PPP4R2: variants seen among roughly 807,000 people sequenced by gnomAD.
PPP4R2 encodes protein phosphatase 4 regulatory subunit 2, also known as serine/threonine-protein phosphatase 4 regulatory subunit 2.
PPP4R2 carries 13 observed loss-of-function variants against 47.2 expected under a neutral mutation model. That is an observed-to-expected ratio of 0.28 (90% CI 0.18 to 0.44). The LOEUF is 0.44. Among genes scored for constraint, PPP4R2 ranks in the 20% least tolerant of loss-of-function variants. PPP4R2 has a pLI of 1.00. For synonymous variants in PPP4R2, 151 were observed against 163.3 expected (o/e 0.92, Z 0.57); for missense variants, 421 against 491.2 (o/e 0.86, Z 1.35).
intron 3 of PPP4R2, among the ~76,000 whole-genome samples, chr3:73,050,507 T>G (rs1366728216): frequency 6.6e-6 from 1 of 152,196 alleles, no homozygotes; most frequent in Non-Finnish European, 1.5e-5. Flanking sequence ...TTTGTTGGTT[T>G]TCCACCAGTT....
intron 3 of PPP4R2, among the ~76,000 whole-genome samples, chr3:73,051,846 C>T (rs1034921431): frequency 6.6e-6 from 1 of 152,048 alleles, no homozygotes; most frequent in Non-Finnish European, 1.5e-5. Context: ...AGGATGGTCT[C>T]GATCTCCTGA....
rs201494380 is a variant in PPP4R2, at chr3:73,048,258, ATTTTG to A, written c.287+913_287+917del. 6.6e-3 allele frequency among the ~76,000 whole-genome samples: 995 copies of A among 151,202 alleles called. 21 individuals are homozygous for A. The highest frequency in any genetic ancestry group is 0.023 in the African/African-American group (937 of 41,212). On this transcript the variant is annotated intron_variant, in intron 3 of 8. Coordinates refer to ENST00000356692, the MANE Select transcript of PPP4R2 (RefSeq NM_174907.4). ...TTTGTAGGACTTTGTTTTTTGTTTT[ATTTTG>A]TTTTGTTTTGAGACAGAGTCTCGCT...
intron 2 of PPP4R2, among the ~76,000 whole-genome samples, chr3:73,035,394 T>A (rs2107285450): frequency 6.6e-6 from 1 of 152,012 alleles, no homozygotes; most frequent in East Asian, 1.9e-4. Context: ...AGTGAGACCC[T>A]GTCTAAAAAA....
rs1257702532 is a variant in PPP4R2, at chr3:73,067,349, C to G, written c.*1627C>G. 6.6e-6 allele frequency: 1 copy of G among 151,950 alleles called. No homozygotes were observed. The highest frequency in any genetic ancestry group is 2.4e-5 in the African/African-American group (1 of 41,378). The allele number at this position is 151,950 out of a possible 1,614,324, so 9.4% of individuals were successfully genotyped here. On this transcript the variant is annotated 3_prime_UTR_variant, in exon 9 of 9. Transcript: ENST00000356692. Reference sequence around the variant, plus strand: ...ATTTGGGGGGCAACCACAAGTTTTGCGTTTTGACTACTTAAATCATCATGG... The same window carrying G: ...ATTTGGGGGGCAACCACAAGTTTTGGGTTTTGACTACTTAAATCATCATGG...
intron 4 of PPP4R2, among the ~76,000 whole-genome samples, chr3:73,060,464 A>G (rs1702830477): frequency 6.6e-6 from 1 of 152,180 alleles, no homozygotes; most frequent in African/African-American, 2.4e-5. Context: ...AAATGTGGTT[A>G]ATAATAGGGC....
intron 2 of PPP4R2, among the ~76,000 whole-genome samples, chr3:73,045,111 G>A (rs2637747): frequency 5.9e-5 from 9 of 152,048 alleles, no homozygotes; most frequent in South Asian, 2.1e-4. Flanking sequence ...CTGTTGCCTC[G>A]GCCTCTTGAG....
chr3:73,041,919 A>G (rs558180742), intron 2 of PPP4R2, among the ~76,000 whole-genome samples: 2 of 152,312 alleles, frequency 1.3e-5, no homozygotes, highest in East Asian at 1.9e-4. Flanking sequence ...GTGAGTTCCT[A>G]TGGAGAAAAA....
intron 1 of PPP4R2, among the ~76,000 whole-genome samples, chr3:72,997,803 C>T (rs1322531292): frequency 2.0e-5 from 3 of 152,140 alleles, no homozygotes; most frequent in African/African-American, 4.8e-5. Context: ...TAATATAATG[C>T]TGGTGTTCCC....
chr3:73,051,193 G>A (rs769377497), intron 3 of PPP4R2, among the ~76,000 whole-genome samples: 10 of 152,174 alleles, frequency 6.6e-5, no homozygotes, highest in African/African-American at 1.9e-4. Flanking sequence ...GGGATTACAG[G>A]CATGAGCCAC....
intron 2 of PPP4R2, chr3:73,015,804 AT>A (rs1222311823): frequency 1.3e-5 from 6 of 444,628 alleles, no homozygotes; most frequent in East Asian, 7.7e-5. Context: ...TGCCCGATTA[AT>A]TTTTTTGTGT....
chr3:73,046,434 T>A (rs1300292307), intron 2 of PPP4R2, among the ~76,000 whole-genome samples: 1 of 152,252 alleles, frequency 6.6e-6, no homozygotes, highest in Admixed American at 6.5e-5. Context: ...TTAGCATTCC[T>A]GACTCCCGTG....
chr3:73,002,629 C>CTTTCTTTTT (rs1701496334), intron 2 of PPP4R2, among the ~76,000 whole-genome samples: 2 of 83,002 alleles, frequency 2.4e-5, no homozygotes, highest in African/African-American at 5.5e-5. Flanking sequence ...CTTTTCTTTT[C>CTTTCTTTTT]TTTTCTTTTT....
chr3:73,034,311 C>T (rs935708790), intron 2 of PPP4R2, among the ~76,000 whole-genome samples: 1 of 152,096 alleles, frequency 6.6e-6, no homozygotes, highest in East Asian at 1.9e-4. Context: ...TATTTTAACT[C>T]CTCCTCTTCC....
intron 2 of PPP4R2, among the ~76,000 whole-genome samples, chr3:73,028,402 G>A (rs1038524987): frequency 1.3e-5 from 2 of 151,808 alleles, no homozygotes; most frequent in Non-Finnish European, 2.9e-5. Flanking sequence ...ACATTTGATC[G>A]AGGCCCAAGA....
chr3:73,049,654 G>C (rs886255184), intron 3 of PPP4R2, among the ~76,000 whole-genome samples: 2 of 151,696 alleles, frequency 1.3e-5, no homozygotes, highest in African/African-American at 4.8e-5. Context: ...CTGCTGCTTT[G>C]TAAGCATATT....
At chr3:73,019,523 G>A (rs1284928630) in intron 2 of PPP4R2, among the ~76,000 whole-genome samples, 5 of 152,062 alleles carry the variant, frequency 3.3e-5, no homozygotes, top group African/African-American at 1.2e-4. Context: ...ATAGGCATGT[G>A]CCACCACACC....
chr3:73,027,846 T>C (rs1575858065), intron 2 of PPP4R2: 1 of 151,916 alleles, frequency 6.6e-6, no homozygotes, highest in East Asian at 1.9e-4. Context: ...TAGTAGGCTT[T>C]CTGGGAGGTC....
intron 3 of PPP4R2, among the ~76,000 whole-genome samples, chr3:73,053,333 C>A (rs1358664368): frequency 6.6e-6 from 1 of 151,746 alleles, no homozygotes; most frequent in Non-Finnish European, 1.5e-5. Context: ...ACTTTGTAAC[C>A]ATCCCTCCTT....
chr3:73,024,202 A>G (rs929948608), intron 2 of PPP4R2, among the ~76,000 whole-genome samples: 4 of 152,152 alleles, frequency 2.6e-5, no homozygotes, highest in Admixed American at 6.5e-5. Context: ...AGGAACATTT[A>G]TATATTTTGA....
Sources: gnomAD v4.1 joint callset for allele counts (sites outside exome capture counted in the v4.1 genomes callset) on GRCh38, gnomAD v4.1.1 for gene constraint, MANE v1.5 for transcripts, NCBI Gene and HGNC (gene_info 2026-07-23, HGNC 2026-07-21) for gene names.